Variants in VSIG10L2 observed in about 807,000 individuals in gnomAD.
The protein encoded by VSIG10L2 is V-set and immunoglobulin domain containing 10 like 2.
Under a neutral mutation model 67.1 loss-of-function variants are expected in VSIG10L2, and 56 were observed. That is an observed-to-expected ratio of 0.83 (90% CI 0.67 to 1.04). The LOEUF (loss-of-function observed/expected upper bound fraction) is 1.04, where lower values mean the gene tolerates loss of function less well. Among genes scored for constraint, VSIG10L2 ranks in the 50% least tolerant of loss-of-function variants. The pLI, the probability that VSIG10L2 is intolerant of heterozygous loss-of-function variation, is 0.00. For missense variants in VSIG10L2, 843 were observed against 932.8 expected, an observed-to-expected ratio of 0.90 and a Z score of 1.25; for synonymous variants, 360 against 396.6, an observed-to-expected ratio of 0.91 and a Z score of 1.10.
Position 125,947,943 on chromosome 11 carries a change from G to T in VSIG10L2, c.340G>T (p.Glu114Ter). Reference protein sequence around the residue: ...NSSLVLGELHEGARGHFLCQV... With the variant: ...NSSLVLGELH ...CAGCCTGGTGCTGGGGGAGCTTCAC[G>T]AGGGTGCCCGTGGCCACTTCCTATG... is the stretch of plus-strand genomic sequence containing the variant. Residue 114 changes from glutamate to a stop codon, truncating the protein, a stop_gained, in exon 2 of 12, where the codon GAG (glutamate) becomes TAG (stop). Coordinates refer to ENST00000686984, the MANE Select transcript of VSIG10L2 (RefSeq NM_001365077.2). LOFTEE classifies it high-confidence loss of function. 1 of 1,232,342 alleles carries T rather than the reference G, an allele frequency of 8.1e-7. No individual in the cohort carries two copies. Among genetic ancestry groups the T allele is most frequent in the Non-Finnish European group, 1.0e-6 (1 of 988,098 alleles). 76.3% of individuals were successfully genotyped at this position (1,232,342 alleles called of 1,614,324 possible).
Position 125,955,817 on chromosome 11 carries a change from G to A in VSIG10L2, c.2285G>A (p.Gly762Asp). 1 of 760,258 alleles carries A rather than the reference G, an allele frequency of 1.3e-6. No individual in the cohort carries two copies. Among genetic ancestry groups the A allele is most frequent in the Non-Finnish European group, 2.3e-6 (1 of 440,580 alleles). 47.1% of individuals were successfully genotyped at this position (760,258 alleles called of 1,614,324 possible). A position where few individuals can be genotyped will look rare whatever the true frequency, so the allele number is the denominator to read the frequency against. The change falls in exon 12 of 12, where the codon GGC (glycine) becomes GAC (aspartate). Residue 762 changes from glycine to aspartate, a missense_variant and splice_region_variant. This residue lies in a region of VSIG10L2 where 397 missense variants were observed against 384.4 expected (regional missense o/e 1.03). Transcript: ENST00000686984. ...GSREDAEAPA[G>D]LETPTTTPGL... The stretch of plus-strand genomic sequence containing the variant: ...CTTTGCCCACATATGCTCTTCATAG[G>A]CCTTGAAACACCAACCACCACCCCA...
In VSIG10L2 at chr11:125,950,129, T is replaced by TA; in HGVS notation, c.826dup (p.Ser276LysfsTer8). 1 of 1,232,396 alleles carries TA rather than the reference T, an allele frequency of 8.1e-7. No homozygotes were observed. The highest frequency in any genetic ancestry group is 1.0e-6 in the Non-Finnish European group (1 of 988,142). The allele number at this position is 1,232,396 out of a possible 1,614,324, so 76.3% of individuals were successfully genotyped here. ...GCTGTCTGGCTGCCTCCAACCCACC[T>TA]AGTCACTATGTGTGGCTCCGTGACC... On this transcript the variant is annotated frameshift_variant, in exon 4 of 12. Transcript: ENST00000686984. LOFTEE classifies it high-confidence loss of function.
intron 4 of VSIG10L2, among the ~76,000 whole-genome samples, chr11:125,950,554 TG>T (rs1945354386): frequency 6.6e-6 from 1 of 152,146 alleles, no homozygotes; most frequent in Non-Finnish European, 1.5e-5. Flanking sequence ...ATTATTCCCA[TG>T]GCCCTGCGGA....
At position 125,956,009 on chromosome 11, in the gene VSIG10L2, TA is replaced by T; in HGVS notation, c.*97del. The T allele has an allele frequency of 1.5e-6, 1 of 656,220 alleles. No homozygotes were observed. The highest frequency in any genetic ancestry group is 1.7e-5 in the South Asian group (1 of 58,366). 40.6% of individuals were successfully genotyped at this position (656,220 alleles called of 1,614,324 possible). ...ACTTTGGTCATAAAACCAACGTAGC[TA>T]AGACACCAACTACCACTTTCACTTA... is the stretch of plus-strand genomic sequence containing the variant. On this transcript the variant is annotated 3_prime_UTR_variant, in exon 12 of 12. Transcript: ENST00000686984.
chr11:125,953,495 G>C lies in VSIG10L2; in HGVS notation c.1591G>C (p.Ala531Pro). Residue 531 changes from alanine to proline, a missense_variant, in exon 7 of 12, where the codon GCC (alanine) becomes CCC (proline). Ala to Pro is a conservative substitution (Grantham distance 27). Transcript: ENST00000686984. Reference sequence around the variant, plus strand: ...CTCTCTCCGCGGGGGCACACCACCTGCCCAGCTCCTCTGGCTGGGGCCTCA... The same window carrying C: ...CTCTCTCCGCGGGGGCACACCACCTCCCCAGCTCCTCTGGCTGGGGCCTCA... ...ECSLRGGTPP[A>P]QLLWLGPQQQ... 8.1e-7 allele frequency: 1 copy of C among 1,232,282 alleles called. No individual in the cohort carries two copies. The highest frequency in any genetic ancestry group is 4.1e-5 in the South Asian group (1 of 24,326). The allele number at this position is 1,232,282 out of a possible 1,614,324, so 76.3% of individuals were successfully genotyped here.
Position 125,953,507 on chromosome 11 carries a change from T to C in VSIG10L2, c.1603T>C (p.Trp535Arg). ...GGGCACACCACCTGCCCAGCTCCTC[T>C]GGCTGGGGCCTCAACAACAAAAAGT... is the stretch of plus-strand genomic sequence containing the variant. ...RGGTPPAQLL[W>R]LGPQQQKVDP... The change falls in exon 7 of 12, where the codon TGG (tryptophan) becomes CGG (arginine). Residue 535 changes from tryptophan (W) to arginine (R), a missense_variant. Trp to Arg is a moderately radical substitution (Grantham distance 101). Around this residue, in one of 2 missense-constraint regions of VSIG10L2, gnomAD observed 397 missense variants for 384.4 expected, o/e 1.03. Transcript: ENST00000686984. 1 of 1,232,292 alleles carries C rather than the reference T, an allele frequency of 8.1e-7. No homozygotes were observed. The highest frequency in any genetic ancestry group is 1.0e-6 in the Non-Finnish European group (1 of 988,106). The allele number at this position is 1,232,292 out of a possible 1,614,324, so 76.3% of individuals were successfully genotyped here.
At position 125,950,032 on chromosome 11, in the gene VSIG10L2, T is replaced by C; in HGVS notation, c.728T>C (p.Val243Ala). ...LDVIYGPDKPVITMEPLGLTE... is the reference protein window; with the variant it reads ...LDVIYGPDKPAITMEPLGLTE... ...TCTCCAGATGGTCCTGACAAGCCTG[T>C]GATCACCATGGAGCCGCTGGGACTC... Residue 243 changes from valine to alanine, a missense_variant, in exon 4 of 12, where the codon GTG becomes GCG. Physicochemically the swap from Val to Ala is moderately conservative, Grantham distance 64. Transcript: ENST00000686984. The C allele has an allele frequency of 7.3e-6, 9 of 1,232,338 alleles. No individual in the cohort carries two copies. The highest frequency in any genetic ancestry group is 9.1e-6 in the Non-Finnish European group (9 of 988,092). 76.3% of individuals were successfully genotyped at this position (1,232,338 alleles called of 1,614,324 possible).
chr11:125,948,600 G>A lies in VSIG10L2; in HGVS notation c.709+20G>A, dbSNP rs1032541595. 29 of 1,231,944 alleles carry A rather than the reference G, an allele frequency of 2.4e-5. No homozygotes were observed. Among genetic ancestry groups the A allele is most frequent in the Non-Finnish European group, 2.9e-5 (29 of 988,076 alleles). The allele number at this position is 1,231,944 out of a possible 1,614,324, so 76.3% of individuals were successfully genotyped here. ...TCATTTGTGAGTCAGACTGTGGTGG[G>A]GGGGCTGTCAGGGCTGACACCCATC... On this transcript the variant is annotated intron_variant, in intron 3 of 11. Coordinates refer to ENST00000686984, the MANE Select transcript of VSIG10L2 (RefSeq NM_001365077.2).
rs559894223 is a variant in VSIG10L2, at chr11:125,954,036, CACGTGGTTGTAGGTAT to C, written c.1787-48_1787-33del. ...AGGAGCAAATCTGGGGGCACAAGGTCACGTGGTTGTAGGTATACATGTCCCTTGTTTTGTCCCCACC... is the reference window on the plus strand; with the variant it reads ...AGGAGCAAATCTGGGGGCACAAGGTCACATGTCCCTTGTTTTGTCCCCACC... On this transcript the variant is annotated intron_variant, in intron 7 of 11. Transcript: ENST00000686984. The C allele has an allele frequency of 6.9e-4, 844 of 1,222,148 alleles. 7 individuals carry two copies. The highest frequency in any genetic ancestry group is 4.4e-3 in the African/African-American group (286 of 64,350). The allele number at this position is 1,222,148 out of a possible 1,614,324, so 75.7% of individuals were successfully genotyped here.
intron 6 of VSIG10L2, among the ~76,000 whole-genome samples, chr11:125,952,353 G>A (rs889150404): frequency 2.4e-4 from 37 of 152,162 alleles, no homozygotes; most frequent in African/African-American, 8.4e-4. Context: ...TTAAAAAGAA[G>A]AAGAAACAAG....
At chr11:125,948,649 A>G in intron 3 of VSIG10L2, 69 bp downstream of exon 3, 1 of 1,222,690 alleles carries the variant, frequency 8.2e-7, no homozygotes, top group South Asian at 4.2e-5. Context: ...TCAGCCTTCC[A>G]CACCTCAGAA....
rs946161601 is a variant in VSIG10L2 at position 125,956,096 on chromosome 11, C to A, written c.*182C>A. The A allele has an allele frequency of 1.5e-6, 1 of 686,242 alleles. No individual in the cohort carries two copies. Among genetic ancestry groups the A allele is most frequent in the Non-Finnish European group, 2.7e-6 (1 of 375,508 alleles). 42.5% of individuals were successfully genotyped at this position (686,242 alleles called of 1,614,324 possible). On this transcript the variant is annotated 3_prime_UTR_variant, in exon 12 of 12. Transcript: ENST00000686984. ...GCAGTGTCCCTAAGTGACATGGTTACAAGAGAAGCCCTGGCCCACCTTGTG... is the reference window on the plus strand; with the variant it reads ...GCAGTGTCCCTAAGTGACATGGTTAAAAGAGAAGCCCTGGCCCACCTTGTG...
chr11:125,952,393 A>T (rs1353463936), intron 6 of VSIG10L2, among the ~76,000 whole-genome samples: 2 of 152,392 alleles, frequency 1.3e-5, no homozygotes, highest in African/African-American at 4.8e-5. Flanking sequence ...CAATATATCC[A>T]GTATATCATT....
Position 125,952,068 on chromosome 11 carries a change from A to G in VSIG10L2, c.1490A>G (p.Gln497Arg). Residue 497 changes from glutamine (Q) to arginine (R), a missense_variant, in exon 6 of 12, where the codon CAG becomes CGG. This residue lies in a region of VSIG10L2 where 397 missense variants were observed against 384.4 expected (regional missense o/e 1.03). Coordinates refer to ENST00000686984, the MANE Select transcript of VSIG10L2 (RefSeq NM_001365077.2). ...ACCCCTGACCCCCACTGCCACCTCC[A>G]GCTGGGTGAGTAGGGGCTAGCGAGT... ...LRTPDPHCHL[Q>R]LEAPQLDVAE... The G allele has an allele frequency of 6.5e-7, 1 of 1,533,490 alleles. No individual in the cohort carries two copies. The highest frequency in any genetic ancestry group is 1.4e-5 in the African/African-American group (1 of 73,144). The allele number at this position is 1,533,490 out of a possible 1,614,324, so 95.0% of individuals were successfully genotyped here. A position where few individuals can be genotyped will look rare whatever the true frequency, so the allele number is the denominator to read the frequency against.
chr11:125,953,897 G>A (rs933540138), intron 7 of VSIG10L2, among the ~76,000 whole-genome samples, 190 bp from the exon 8 acceptor site: 1 of 152,226 alleles, frequency 6.6e-6, no homozygotes, highest in Non-Finnish European at 1.5e-5. Flanking sequence ...CGCCATGCAG[G>A]CAGGATCGCC....
At chr11:125,949,474 T>C (rs1395557929) in intron 3 of VSIG10L2, among the ~76,000 whole-genome samples, 1 of 152,108 alleles carries the variant, frequency 6.6e-6, no homozygotes, top group Non-Finnish European at 1.5e-5. Context: ...GCAGGAGAGT[T>C]CTTGCGAAAG....
intron 6 of VSIG10L2, 25 bp from the exon 7 acceptor site, chr11:125,953,375 G>A (rs957940236): frequency 1.1e-5 from 14 of 1,232,206 alleles, no homozygotes; most frequent in Admixed American, 8.4e-5. Flanking sequence ...CCCACTAGCC[G>A]GCCTCATCCT....
Position 125,951,864 on chromosome 11 carries a change from A to G in VSIG10L2, c.1286A>G (p.Gln429Arg). ...TCWSTATMGDQFIMLSCEWPG... is the reference protein window; with the variant it reads ...TCWSTATMGDRFIMLSCEWPG... ...TGGAGCACAGCCACAATGGGGGACC[A>G]GTTCATCATGCTGAGCTGCGAGTGG... Residue 429 changes from glutamine to arginine, a missense_variant, in exon 6 of 12, where the codon CAG (glutamine) becomes CGG (arginine). Gln to Arg is a conservative substitution (Grantham distance 43). Transcript: ENST00000686984. 1 of 1,531,070 alleles carries G rather than the reference A, an allele frequency of 6.5e-7. No homozygotes were observed. The highest frequency in any genetic ancestry group is 8.7e-7 in the Non-Finnish European group (1 of 1,143,534). The allele number at this position is 1,531,070 out of a possible 1,614,324, so 94.8% of individuals were successfully genotyped here. A position where few individuals can be genotyped will look rare whatever the true frequency, so the allele number is the denominator to read the frequency against.
chr11:125,954,137 C>A lies in VSIG10L2; in HGVS notation c.1837C>A (p.His613Asn). 2 of 1,232,290 alleles carry A rather than the reference C, an allele frequency of 1.6e-6. No individual in the cohort carries two copies. Among genetic ancestry groups the A allele is most frequent in the Non-Finnish European group, 2.0e-6 (2 of 988,076 alleles). 76.3% of individuals were successfully genotyped at this position (1,232,290 alleles called of 1,614,324 possible). A position where few individuals can be genotyped will look rare whatever the true frequency, so the allele number is the denominator to read the frequency against. ...VTISRLTYGR[H>N]RREVQLQWAI... ...CATCAGCCGCCTGACCTACGGGAGGCACCGGAGAGAGGTGCAGCTTCAATG... is the reference window on the plus strand; with the variant it reads ...CATCAGCCGCCTGACCTACGGGAGGAACCGGAGAGAGGTGCAGCTTCAATG... Residue 613 changes from histidine (H) to asparagine (N), a missense_variant, in exon 8 of 12, where the codon CAC becomes AAC. His to Asn is a moderately conservative substitution (Grantham distance 68, BLOSUM62 1). Around this residue, in one of 2 missense-constraint regions of VSIG10L2, gnomAD observed 397 missense variants for 384.4 expected, o/e 1.03. Coordinates refer to ENST00000686984, the MANE Select transcript of VSIG10L2 (RefSeq NM_001365077.2).
Sources: allele counts gnomAD v4.1 joint callset (sites outside exome capture counted in the v4.1 genomes callset), GRCh38; gene constraint gnomAD v4.1.1; regional missense constraint gnomAD v4.1.1; transcripts MANE v1.5; gene names NCBI Gene and HGNC (gene_info 2026-07-23, HGNC 2026-07-21).